RBFOX1: variants seen among roughly 807,000 people sequenced by gnomAD.
The protein encoded by RBFOX1 is RNA binding protein fox-1 homolog 1.
Under a neutral mutation model 57.7 loss-of-function variants are expected in RBFOX1, and 8 were observed. The observed-to-expected ratio is 0.14, with a 90% CI of 0.08 to 0.25. The LOEUF (loss-of-function observed/expected upper bound fraction) is 0.25. RBFOX1 is among the 10% of genes least tolerant of loss of function. The pLI, the probability that RBFOX1 is intolerant of heterozygous loss-of-function variation, is 1.00. For synonymous variants in RBFOX1, 326 were observed against 222.4 expected (o/e 1.47, Z -4.15); for missense variants, 611 against 548.5 (o/e 1.11, Z -1.14).
chr16:7,355,603 T>C (rs541964275), intron 4 of RBFOX1, among the ~76,000 whole-genome samples: 1 of 152,364 alleles, frequency 6.6e-6, no homozygotes, highest in South Asian at 2.1e-4. Flanking sequence ...CAGCATGTTT[T>C]GGCCATCTCC....
chr16:7,054,468 C>A lies in RBFOX1; in HGVS notation c.27+2370C>A, dbSNP rs193127892. On this transcript the variant is annotated intron_variant, in intron 4 of 15. Coordinates refer to ENST00000550418, the MANE Select transcript of RBFOX1 (RefSeq NM_018723.4). ...ATGTTGGCCAGGATGGTCTCGATCTCCTGACCTCGTGATCCGCCAGCCTCG... is the reference window on the plus strand; with the variant it reads ...ATGTTGGCCAGGATGGTCTCGATCTACTGACCTCGTGATCCGCCAGCCTCG... Among the ~76,000 whole-genome samples the A allele has an allele frequency of 8.6e-4, 128 of 148,250 alleles. 1 individual carries two copies. The highest frequency in any genetic ancestry group is 2.2e-3 in the African/African-American group (91 of 40,850).
chr16:5,997,472 G>A (rs188397443), intron 4 of RBFOX1, among the ~76,000 whole-genome samples: 11 of 152,160 alleles, frequency 7.2e-5, no homozygotes, highest in Admixed American at 7.2e-4. Flanking sequence ...TGATATGAAG[G>A]TGGGGTTTTT....
chr16:5,266,455 G>T (rs1279652668), intron 1 of RBFOX1, among the ~76,000 whole-genome samples: 1 of 152,050 alleles, frequency 6.6e-6, no homozygotes. Flanking sequence ...GTAGTCAGGG[G>T]TTAGTAGAGA....
chr16:5,955,336 TA>T (rs1347683319), intron 4 of RBFOX1, among the ~76,000 whole-genome samples: 2,228 of 49,878 alleles, frequency 0.045, 267 homozygotes, highest in East Asian at 0.064. Context: ...TAAAATAAAA[TA>T]AAATAAAATA....
chr16:7,580,731 A>G (rs527566812), intron 6 of RBFOX1, among the ~76,000 whole-genome samples: 2 of 152,290 alleles, frequency 1.3e-5, no homozygotes, highest in East Asian at 1.9e-4. Flanking sequence ...TGAGTTTGCC[A>G]TTTCTTTGAC....
chr16:6,832,397 A>G (rs1048364968), intron 3 of RBFOX1, among the ~76,000 whole-genome samples: 2 of 152,190 alleles, frequency 1.3e-5, no homozygotes, highest in African/African-American at 4.8e-5. Flanking sequence ...CCAGATTGCT[A>G]CTTAATAGTG....
chr16:6,616,183 T>C (rs865902774), intron 2 of RBFOX1, among the ~76,000 whole-genome samples: 15 of 152,326 alleles, frequency 9.8e-5, no homozygotes, highest in Middle Eastern at 3.4e-3. Context: ...TATTTAACTT[T>C]TCTGTTCTTT....
Position 6,477,229 on chromosome 16 carries a change from A to G in RBFOX1, c.-64+160172A>G, listed in dbSNP as rs191487545. ...GTTCTTAATGGCATCTCAAAAGCGA[A>G]TATTTTTTAGAATATTTCAGTGTAC... On this transcript the variant is annotated intron_variant, in intron 2 of 15. Transcript: ENST00000550418. Among the ~76,000 whole-genome samples, 370 of 152,318 alleles carry G rather than the reference A, an allele frequency of 2.4e-3. 2 individuals are homozygous for G. Among genetic ancestry groups the G allele is most frequent in the South Asian group, 0.019 (91 of 4,822 alleles).
chr16:7,085,934 A>G (rs1054304483), intron 4 of RBFOX1, among the ~76,000 whole-genome samples: 1 of 152,140 alleles, frequency 6.6e-6, no homozygotes, highest in African/African-American at 2.4e-5. Context: ...GCTGTGATTC[A>G]TGGGCTCTAA....
At chr16:6,928,155 G>C (rs1456173375) in intron 3 of RBFOX1, among the ~76,000 whole-genome samples, 2 of 152,124 alleles carry the variant, frequency 1.3e-5, no homozygotes, top group Non-Finnish European at 1.5e-5. Context: ...GGGGTTTTCA[G>C]CATTGGCTGT....
intron 4 of RBFOX1, among the ~76,000 whole-genome samples, chr16:7,477,091 A>C (rs1163854384): frequency 2.0e-5 from 3 of 152,076 alleles, no homozygotes; most frequent in Non-Finnish European, 4.4e-5. Context: ...CTTCCCCCAC[A>C]TCTCTGTCCT....
Position 6,822,287 on chromosome 16 carries a change from A to G in RBFOX1, c.-16+167637A>G, listed in dbSNP as rs80272134. Among the ~76,000 whole-genome samples, 657 of 152,200 alleles carry G rather than the reference A, an allele frequency of 4.3e-3. 4 individuals are homozygous for G. Among genetic ancestry groups the G allele is most frequent in the African/African-American group, 0.015 (619 of 41,518 alleles). On this transcript the variant is annotated intron_variant, in intron 3 of 15. Coordinates refer to ENST00000550418, the MANE Select transcript of RBFOX1 (RefSeq NM_018723.4). The stretch of plus-strand genomic sequence containing the variant: ...TCCCACTTTCTGCCTTTTCCATTCT[A>G]TCACCATTATTCTTTGTTGGACATG...
intron 2 of RBFOX1, among the ~76,000 whole-genome samples, chr16:6,590,850 C>CG (rs963526038): frequency 9.4e-3 from 4 of 424 alleles, no homozygotes; most frequent in African/African-American, 0.018. Context: ...GTTTGACATG[C>CG]AAGAATTGTA....
At chr16:7,149,561 G>A (rs1372375970) in intron 4 of RBFOX1, among the ~76,000 whole-genome samples, 2 of 143,656 alleles carry the variant, frequency 1.4e-5, no homozygotes, top group African/African-American at 5.2e-5. Flanking sequence ...TCTCAGCTCA[G>A]TGCAACCTCC....
intron 4 of RBFOX1, among the ~76,000 whole-genome samples, chr16:7,292,372 C>T (rs1026091711): frequency 3.7e-5 from 5 of 133,644 alleles, no homozygotes; most frequent in African/African-American, 1.4e-4. Context: ...TGTTATATAT[C>T]ATATATGATA....
intron 2 of RBFOX1, among the ~76,000 whole-genome samples, chr16:6,635,106 GTAT>G (rs200643625): frequency 0.2 from 29,558 of 144,364 alleles, 3,099 homozygotes; most frequent in Non-Finnish European, 0.23. Context: ...TATATATAAA[GTAT>G]TATATGTAAG....
intron 1 of RBFOX1, among the ~76,000 whole-genome samples, chr16:5,396,676 A>G (rs1260945701): frequency 6.6e-6 from 1 of 152,096 alleles, no homozygotes; most frequent in African/African-American, 2.4e-5. Flanking sequence ...AGGAGGAAAG[A>G]TCAAGATTCA....
In RBFOX1 at chr16:7,125,634, T is replaced by C. The variant is rs141850790; in HGVS notation, c.27+73536T>C. Among the ~76,000 whole-genome samples the C allele has an allele frequency of 7.3e-3, 1,119 of 152,320 alleles. 12 individuals carry two copies. Among genetic ancestry groups the C allele is most frequent in the African/African-American group, 0.025 (1,051 of 41,570 alleles). ...CAATAATATAGAAGATGGATATCGT[T>C]AACTCTACAGAGGAAGCTGAGGAAC... On this transcript the variant is annotated intron_variant, in intron 4 of 15. Coordinates refer to ENST00000550418, the MANE Select transcript of RBFOX1 (RefSeq NM_018723.4).
chr16:7,033,388 C>T (rs1337743423), intron 3 of RBFOX1, among the ~76,000 whole-genome samples: 1 of 152,166 alleles, frequency 6.6e-6, no homozygotes, highest in Non-Finnish European at 1.5e-5. Context: ...GATGTGATGG[C>T]ACATGCCTGT....
Sources: gnomAD v4.1 joint callset for allele counts (sites outside exome capture counted in the v4.1 genomes callset) on GRCh38, gnomAD v4.1.1 for gene constraint, MANE v1.5 for transcripts, NCBI Gene and HGNC (gene_info 2026-07-23, HGNC 2026-07-21) for gene names.